The following FANCD2 variants were observed in gnomAD, a reference collection of about 807,000 sequenced individuals.
FANCD2 encodes the protein Fanconi anemia group D2 protein.
Under a neutral mutation model 192.3 loss-of-function variants are expected in FANCD2, and 131 were observed. The observed-to-expected ratio is 0.68, with a 90% CI of 0.59 to 0.79. The LOEUF is 0.79. Among genes scored for constraint, FANCD2 ranks in the 30% least tolerant of loss-of-function variants. FANCD2 has a pLI of 0.00. For synonymous variants in FANCD2, 524 were observed against 612.5 expected, an observed-to-expected ratio of 0.86 and a Z score of 2.13; for missense variants, 1,508 against 1,701.6, an observed-to-expected ratio of 0.89 and a Z score of 2.00.
intron 20 of FANCD2, among the ~76,000 whole-genome samples, chr3:10,063,285 A>G (rs1368700646): frequency 6.6e-6 from 1 of 152,084 alleles, no homozygotes; most frequent in Non-Finnish European, 1.5e-5. Context: ...AAGTACAAAA[A>G]AATTAGCTGG....
chr3:10,087,318 T>A (rs1694277569), intron 34 of FANCD2, 54 bp downstream of exon 34: 2 of 1,512,854 alleles, frequency 1.3e-6, no homozygotes, highest in East Asian at 2.3e-5. Flanking sequence ...AGGACTAATA[T>A]CTCACACTTA....
At chr3:10,071,885 G>C (rs6772289) in intron 26 of FANCD2, among the ~76,000 whole-genome samples, 29,539 of 151,388 alleles carry the variant, frequency 0.2, 3,273 homozygotes, top group African/African-American at 0.31. Flanking sequence ...TCAGCCTCCT[G>C]AGTAGCCGGG....
chr3:10,079,815 A>T (rs73016558), intron 30 of FANCD2, among the ~76,000 whole-genome samples: 1 of 152,296 alleles, frequency 6.6e-6, no homozygotes, highest in Non-Finnish European at 1.5e-5. Flanking sequence ...AAGCAGTTGG[A>T]CGGTACATAT....
chr3:10,080,762 C>T (rs1476430220), intron 30 of FANCD2, among the ~76,000 whole-genome samples: 1 of 152,086 alleles, frequency 6.6e-6, no homozygotes, highest in African/African-American at 2.4e-5. Context: ...CAGAGCAGAA[C>T]CTTGCCTCAA....
intron 14 of FANCD2, among the ~76,000 whole-genome samples, chr3:10,044,821 A>G (rs2086956224): frequency 6.6e-6 from 1 of 152,204 alleles, no homozygotes; most frequent in Non-Finnish European, 1.5e-5. Context: ...GATAAACATA[A>G]ATTTACCACC....
In FANCD2 at chr3:10,072,664, A is replaced by G. The variant is rs529538557; in HGVS notation, c.2495-207A>G. Among the ~76,000 whole-genome samples the G allele has an allele frequency of 2.0e-5, 3 of 152,310 alleles. No homozygotes were observed. In the East Asian group the frequency reaches 5.8e-4, roughly 29 times the overall value. The stretch of plus-strand genomic sequence containing the variant: ...ATTTAAAGTGGTTTTATGATAATTG[A>G]TCATACTTAATATGATATTTCTGTG... On this transcript the variant is annotated intron_variant, in intron 26 of 43. Transcript: ENST00000675286.
intron 30 of FANCD2, among the ~76,000 whole-genome samples, chr3:10,079,627 C>T (rs996103713): frequency 2.6e-5 from 4 of 152,090 alleles, no homozygotes. Context: ...GCCCAGCCTA[C>T]GAAATGTATT....
At chr3:10,069,368 G>T (rs2087806883) in intron 26 of FANCD2, among the ~76,000 whole-genome samples, 1 of 152,030 alleles carries the variant, frequency 6.6e-6, no homozygotes, top group Non-Finnish European at 1.5e-5. Context: ...CATACAAATA[G>T]TGGATATGTG....
chr3:10,049,707 T>G (rs2087141016), intron 17 of FANCD2, among the ~76,000 whole-genome samples: 1 of 152,204 alleles, frequency 6.6e-6, no homozygotes, highest in South Asian at 2.1e-4. Context: ...AAGTAGGCCC[T>G]TACCTTTCAT....
chr3:10,093,385 C>G lies in FANCD2; in HGVS notation c.3888+62C>G, dbSNP rs1694767178. The stretch of plus-strand genomic sequence containing the variant: ...TTCCTGTGGATCACTCTAGAGAGGA[C>G]CTCAGCTGAGATAAATTGCTCAATT... On this transcript the variant is annotated intron_variant, in intron 39 of 43. Transcript: ENST00000675286. 14 of 1,361,326 alleles carry G rather than the reference C, an allele frequency of 1.0e-5. No homozygotes were observed. In the East Asian group the frequency reaches 3.2e-4, roughly 31 times the overall value. 84.3% of individuals were successfully genotyped at this position (1,361,326 alleles called of 1,614,324 possible).
At chr3:10,037,131 GT>G (rs370333100) in intron 7 of FANCD2, among the ~76,000 whole-genome samples, 1 of 150,732 alleles carries the variant, frequency 6.6e-6, no homozygotes, top group African/African-American at 2.4e-5. Context: ...GGCCCTACCT[GT>G]TTTTTTTTAA....
intron 9 of FANCD2, chr3:10,040,416 G>A: frequency 2.2e-6 from 1 of 449,746 alleles, no homozygotes; most frequent in South Asian, 1.6e-5. Flanking sequence ...TTGGCCAGTG[G>A]AGAAGTTGAC....
At chr3:10,046,458 G>A (rs2087013662) in intron 14 of FANCD2, 122 bp from the exon 15 acceptor site, 1 of 1,507,828 alleles carries the variant, frequency 6.6e-7, no homozygotes, top group Non-Finnish European at 9.0e-7. Flanking sequence ...CCAGGGGAGT[G>A]TGTGGAACAA....
rs556678170 is a variant in FANCD2, at chr3:10,055,822, T to A, written c.1656+3325T>A. The stretch of plus-strand genomic sequence containing the variant: ...GCGAGACTCTGTCTCAAAAAAAAAA[T>A]AATAATAAATAAATAAATAAATAAA... On this transcript the variant is annotated intron_variant, in intron 18 of 43. Transcript: ENST00000675286. 2.1e-3 allele frequency among the ~76,000 whole-genome samples: 322 copies of A among 151,554 alleles called. 2 individuals carry two copies. Among genetic ancestry groups the A allele is most frequent in the African/African-American group, 6.6e-3 (272 of 41,378 alleles).
At chr3:10,087,089 C>T in intron 33 of FANCD2, 45 bp from the exon 34 acceptor site, 1 of 1,608,438 alleles carries the variant, frequency 6.2e-7, no homozygotes, top group Non-Finnish European at 8.5e-7. Flanking sequence ...ATCTGTGACA[C>T]ATAGGATACT....
At chr3:10,097,610 G>T (rs552903954) in intron 42 of FANCD2, among the ~76,000 whole-genome samples, 236 of 152,154 alleles carry the variant, frequency 1.6e-3, no homozygotes, top group African/African-American at 5.3e-3. Flanking sequence ...GTTTTTTCAG[G>T]GTGCCCACAT....
chr3:10,081,813 C>A lies in FANCD2; in HGVS notation c.3224+349C>A, dbSNP rs189658301. ...GAGCTGGGCTATTCCATGATACCTT[C>A]ATGGAAACAGTGGGACTCAAGGGAA... On this transcript the variant is annotated intron_variant, in intron 32 of 43. Coordinates refer to ENST00000675286, the MANE Select transcript of FANCD2 (RefSeq NM_001018115.3). 3.9e-5 allele frequency among the ~76,000 whole-genome samples: 6 copies of A among 152,226 alleles called. No individual in the cohort carries two copies. In the East Asian group the frequency reaches 9.7e-4, roughly 24 times the overall value.
intron 7 of FANCD2, among the ~76,000 whole-genome samples, chr3:10,036,553 G>C (rs551625429): frequency 6.6e-6 from 1 of 152,074 alleles, no homozygotes; most frequent in Non-Finnish European, 1.5e-5. Context: ...AGTAACTATT[G>C]GCCTGGTGCA....
intron 26 of FANCD2, among the ~76,000 whole-genome samples, chr3:10,069,096 T>G (rs946675956): frequency 6.6e-6 from 1 of 152,212 alleles, no homozygotes; most frequent in Non-Finnish European, 1.5e-5. Flanking sequence ...GGCAAAGATT[T>G]CCTGAGGAAT....
Sources: gnomAD v4.1 joint callset for allele counts (sites outside exome capture counted in the v4.1 genomes callset) on GRCh38, gnomAD v4.1.1 for gene constraint, MANE v1.5 for transcripts, NCBI Gene and HGNC (gene_info 2026-07-23, HGNC 2026-07-21) for gene names.